The following PTCHD4 variants were observed in gnomAD, a reference collection of about 807,000 sequenced individuals.
PTCHD4 encodes patched domain containing 4, also known as patched domain-containing protein 4.
A neutral mutation model predicts 58.1 loss-of-function variants in PTCHD4; 33 were observed. That is an observed-to-expected ratio of 0.57 (90% CI 0.43 to 0.76). The LOEUF is 0.76. Ranked by LOEUF, PTCHD4 falls within the 30% of genes least tolerant of loss-of-function variation. The pLI is 0.00. For missense variants in PTCHD4, 1,058 were observed against 1,027.1 expected (o/e 1.03, Z -0.41); for synonymous variants, 478 against 409.6 (o/e 1.17, Z -2.02).
At chr6:47,959,936 A>C (rs1227949251) in intron 4 of PTCHD4, among the ~76,000 whole-genome samples, 2 of 152,028 alleles carry the variant, frequency 1.3e-5, no homozygotes, top group Non-Finnish European at 2.9e-5. Flanking sequence ...TAAGCAAAAA[A>C]AAACCCCAGA....
chr6:47,911,352 G>T (rs1449917069), intron 4 of PTCHD4, among the ~76,000 whole-genome samples: 2 of 152,020 alleles, frequency 1.3e-5, no homozygotes, highest in Non-Finnish European at 2.9e-5. Context: ...CAGCTCTTGG[G>T]CTCTGGTGAC....
chr6:48,009,558 T>C (rs1762594989), intron 3 of PTCHD4, among the ~76,000 whole-genome samples: 1 of 152,218 alleles, frequency 6.6e-6, no homozygotes, highest in African/African-American at 2.4e-5. Context: ...ACACTAATCT[T>C]TCTAGGGTTC....
intron 4 of PTCHD4, among the ~76,000 whole-genome samples, chr6:47,930,618 A>G (rs1480947625): frequency 6.6e-6 from 1 of 152,236 alleles, no homozygotes; most frequent in Non-Finnish European, 1.5e-5. Flanking sequence ...CAGAAGGTAC[A>G]CAGAGTTCTA....
intron 3 of PTCHD4, among the ~76,000 whole-genome samples, chr6:48,027,779 G>T: frequency 6.6e-6 from 1 of 152,064 alleles, no homozygotes; most frequent in East Asian, 1.9e-4. Flanking sequence ...AATAACATTT[G>T]TTAGTTTGCT....
At chr6:47,929,210 C>T (rs1353960784) in intron 4 of PTCHD4, among the ~76,000 whole-genome samples, 3 of 152,212 alleles carry the variant, frequency 2.0e-5, no homozygotes, top group South Asian at 2.1e-4. Flanking sequence ...AAATAATCCA[C>T]ATGTAAAAGA....
intron 3 of PTCHD4, among the ~76,000 whole-genome samples, chr6:48,025,019 A>G (rs1287394296): frequency 1.3e-5 from 2 of 152,194 alleles, no homozygotes; most frequent in African/African-American, 4.8e-5. Flanking sequence ...TGCTAGAGAA[A>G]CATAACCTCA....
intron 4 of PTCHD4, among the ~76,000 whole-genome samples, chr6:47,885,532 T>TA (rs908723566): frequency 8.9e-4 from 135 of 151,870 alleles, no homozygotes; most frequent in African/African-American, 2.1e-3. Flanking sequence ...GTTTTTAAAT[T>TA]AAAAAAAAAT....
chr6:47,930,845 G>A (rs1245040947), intron 4 of PTCHD4, among the ~76,000 whole-genome samples: 1 of 152,112 alleles, frequency 6.6e-6, no homozygotes, highest in African/African-American at 2.4e-5. Flanking sequence ...CCAGGCTGGA[G>A]GGCAGTGGTG....
intron 4 of PTCHD4, among the ~76,000 whole-genome samples, chr6:47,942,649 A>G (rs535346608): frequency 6.6e-6 from 1 of 152,316 alleles, no homozygotes; most frequent in South Asian, 2.1e-4. Flanking sequence ...AAAGCAAACA[A>G]CAACAACAAC....
intron 3 of PTCHD4, among the ~76,000 whole-genome samples, chr6:48,049,739 C>T (rs1006391131): frequency 2.6e-5 from 4 of 151,904 alleles, no homozygotes; most frequent in African/African-American, 4.8e-5. Flanking sequence ...TGAACTACAT[C>T]GTAAATTCTT....
rs970256738 is a variant in PTCHD4, at chr6:48,103,496, A to G, written c.-970+7553T>C. On this transcript the variant is annotated intron_variant, in intron 1 of 4. Coordinates refer to ENST00000339488, the MANE Select transcript of PTCHD4 (RefSeq NM_001384253.1). ...ACCAAAGGTAGATAAAACCACAAAG[A>G]TGGGAAAAAACAGCAGAAAAACCAG... is the stretch of plus-strand genomic sequence containing the variant. Among the ~76,000 whole-genome samples the G allele has an allele frequency of 7.4e-4, 112 of 152,302 alleles. 1 individual carries two copies. Among genetic ancestry groups the G allele is most frequent in the African/African-American group, 2.6e-3 (108 of 41,558 alleles).
At chr6:47,952,604 C>T (rs1766696933) in intron 4 of PTCHD4, among the ~76,000 whole-genome samples, 1 of 151,990 alleles carries the variant, frequency 6.6e-6, no homozygotes, top group Admixed American at 6.6e-5. Flanking sequence ...ATTACAATAC[C>T]ATATTTTTGT....
At chr6:47,963,764 T>C (rs930837706) in intron 4 of PTCHD4, among the ~76,000 whole-genome samples, 2 of 152,208 alleles carry the variant, frequency 1.3e-5, no homozygotes, top group African/African-American at 4.8e-5. Context: ...AGTGTGCTGA[T>C]TTTTTAATCG....
Position 47,879,814 on chromosome 6 carries a change from T to C in PTCHD4, c.1021A>G (p.Ser341Gly), listed in dbSNP as rs1465634670. The C allele has an allele frequency of 6.2e-7, 1 of 1,613,554 alleles. No homozygotes were observed. The highest frequency in any genetic ancestry group is 1.7e-5 in the Admixed American group (1 of 59,906). Residue 341 changes from serine (S) to glycine (G), a missense_variant, in exon 5 of 5, where the codon AGC becomes GGC. By Grantham distance (56) the Ser-to-Gly change is moderately conservative. Transcript: ENST00000339488. ...SDVMVTYTMTSSLYFITFGMG... is the reference protein window; with the variant it reads ...SDVMVTYTMTGSLYFITFGMG... The stretch of plus-strand genomic sequence containing the variant: ...CCAAAAGTGATGAAGTACAGGGAGC[T>C]GGTCATGGTATAGGTGACCATCACA...
chr6:48,029,644 C>G (rs1243341357), intron 3 of PTCHD4, among the ~76,000 whole-genome samples: 1 of 151,876 alleles, frequency 6.6e-6, no homozygotes, highest in Admixed American at 6.6e-5. Flanking sequence ...GCTTTTTCTC[C>G]CTATCTGATC....
At chr6:47,923,156 T>C (rs1765486593) in intron 4 of PTCHD4, among the ~76,000 whole-genome samples, 1 of 152,272 alleles carries the variant, frequency 6.6e-6, no homozygotes, top group East Asian at 1.9e-4. Context: ...AGTCATTAGT[T>C]AAATATGTTA....
rs945066184 is a variant in PTCHD4 at position 47,875,810 on chromosome 6, C to G, written c.*2493G>C. 1.3e-5 allele frequency among the ~76,000 whole-genome samples: 2 copies of G among 151,764 alleles called. No individual in the cohort carries two copies. Among genetic ancestry groups the G allele is most frequent in the African/African-American group, 4.8e-5 (2 of 41,364 alleles). ...ACAACTGGCATGCTTGATTCTTTCC[C>G]TGTAAATCAGCCTGCCATTCTTCTT... On this transcript the variant is annotated 3_prime_UTR_variant, in exon 5 of 5. Transcript: ENST00000339488.
intron 3 of PTCHD4, among the ~76,000 whole-genome samples, chr6:48,023,335 C>A (rs1763130762): frequency 6.6e-6 from 1 of 151,998 alleles, no homozygotes; most frequent in Non-Finnish European, 1.5e-5. Flanking sequence ...GACCGGATAA[C>A]CCCAAAAGGT....
At position 48,068,810 on chromosome 6, in the gene PTCHD4, T is replaced by C. The variant is rs1450727063; in HGVS notation, c.5+143A>G. ...CCCCGGCCCCACCTCCATGCGCTCC[T>C]ACTACTCTTTCAAACACTGCAGCAA... On this transcript the variant is annotated intron_variant, in intron 2 of 4. Transcript: ENST00000339488. This position sits in a 1 kb window ranked among gnomAD's most constrained non-coding sequence, Gnocchi z 4.2. 1.3e-5 allele frequency: 8 copies of C among 631,622 alleles called. No homozygotes were observed. The highest frequency in any genetic ancestry group is 5.5e-5 in the East Asian group (2 of 36,066). 39.1% of individuals were successfully genotyped at this position (631,622 alleles called of 1,614,324 possible). A position where few individuals can be genotyped will look rare whatever the true frequency, so the allele number is the denominator to read the frequency against.
Sources: allele counts gnomAD v4.1 joint callset (sites outside exome capture counted in the v4.1 genomes callset), GRCh38; gene constraint gnomAD v4.1.1; non-coding constraint Gnocchi (gnomAD v3.1); transcripts MANE v1.5; gene names NCBI Gene and HGNC (gene_info 2026-07-23, HGNC 2026-07-21).